Variants in CFI observed in about 807,000 individuals in gnomAD.
The protein encoded by CFI is C3B/C4B inactivator.
Under a neutral mutation model 78.8 loss-of-function variants are expected in CFI, and 66 were observed. The observed-to-expected ratio is 0.84, with a 90% CI of 0.69 to 1.03. The LOEUF (loss-of-function observed/expected upper bound fraction) is 1.03. Among genes scored for constraint, CFI ranks in the 50% least tolerant of loss-of-function variants. The probability of loss-of-function intolerance (pLI) is 0.00; values close to 1 mark genes in which losing one functional copy is unlikely to be tolerated. For missense variants in CFI, 706 were observed against 704.5 expected, an observed-to-expected ratio of 1.00 and a Z score of -0.02; for synonymous variants, 250 against 232.6, an observed-to-expected ratio of 1.07 and a Z score of -0.68.
chr4:109,778,446 C>T (rs1729565679), intron 1 of CFI, among the ~76,000 whole-genome samples: 1 of 152,108 alleles, frequency 6.6e-6, no homozygotes, highest in Admixed American at 6.6e-5. Context: ...GGTTGAATCC[C>T]TGAATAGACC....
chr4:109,752,624 A>T, intron 7 of CFI, 121 bp from the exon 8 acceptor site: 1 of 832,006 alleles, frequency 1.2e-6, no homozygotes, highest in Non-Finnish European at 2.0e-6. Context: ...CCCTTTTATA[A>T]AGAACTGTAC....
chr4:109,794,999 A>T (rs1452968564), intron 1 of CFI, among the ~76,000 whole-genome samples: 1 of 152,180 alleles, frequency 6.6e-6, no homozygotes, highest in East Asian at 1.9e-4. Flanking sequence ...GAGCTCCAGG[A>T]TCAAGGTGAG....
At chr4:109,796,565 G>T (rs575697950) in intron 1 of CFI, among the ~76,000 whole-genome samples, 1 of 152,306 alleles carries the variant, frequency 6.6e-6, no homozygotes, top group East Asian at 1.9e-4. Flanking sequence ...GCTTTGAGAG[G>T]CCATGGTGGG....
At position 109,766,790 on chromosome 4, in the gene CFI, T is replaced by C; in HGVS notation, c.92A>G (p.Lys31Arg). 6.2e-7 allele frequency: 1 copy of C among 1,614,196 alleles called. No homozygotes were observed. Reference sequence around the variant, plus strand: ...AGTATATTTTTTTGCTAAGCACTTTTTCTCCACCAGATCCTCTTGAGATGT... The same window carrying C: ...AGTATATTTTTTTGCTAAGCACTTTCTCTCCACCAGATCCTCTTGAGATGT... ...TYTSQEDLVE[K>R]KCLAKKYTHL... The change falls in exon 2 of 13, where the codon AAA (lysine) becomes AGA (arginine). Residue 31 changes from lysine (K) to arginine (R), a missense_variant. Coordinates refer to ENST00000394634, the MANE Select transcript of CFI (RefSeq NM_000204.5).
the CFI span, among the ~76,000 whole-genome samples, chr4:109,734,488 C>G: frequency 1.6e-3 from 246 of 152,112 alleles, no homozygotes; most frequent in African/African-American, 5.7e-3. Context: ...CAGTTGTAGT[C>G]AGAGGAAGAA....
chr4:109,768,790 C>T (rs959268819), intron 1 of CFI, among the ~76,000 whole-genome samples: 1 of 152,118 alleles, frequency 6.6e-6, no homozygotes, highest in Non-Finnish European at 1.5e-5. Context: ...CTTTAAATGC[C>T]GTTAAGAAGG....
chr4:109,764,357 AG>A (rs1320950579), intron 3 of CFI, 179 bp downstream of exon 3: 1 of 684,784 alleles, frequency 1.5e-6, no homozygotes, highest in Non-Finnish European at 2.6e-6. Flanking sequence ...TGTTGTCAGC[AG>A]GGTTCCAAGT....
chr4:109,782,997 T>G (rs1026153240), intron 1 of CFI, among the ~76,000 whole-genome samples: 2 of 152,012 alleles, frequency 1.3e-5, no homozygotes, highest in African/African-American at 4.8e-5. Context: ...GAAAGTGGAT[T>G]CTCATCTCTC....
chr4:109,765,465 T>C (rs1727619613), intron 2 of CFI, among the ~76,000 whole-genome samples: 1 of 152,224 alleles, frequency 6.6e-6, no homozygotes, highest in South Asian at 2.1e-4. Flanking sequence ...TTGTTTTATT[T>C]AATTTTCACA....
At chr4:109,782,254 A>G (rs752395203) in intron 1 of CFI, among the ~76,000 whole-genome samples, 11 of 152,056 alleles carry the variant, frequency 7.2e-5, no homozygotes, top group Non-Finnish European at 1.2e-4. Context: ...TGCTGACATA[A>G]TGATTGTTTA....
chr4:109,795,751 C>T (rs28855226), intron 1 of CFI, among the ~76,000 whole-genome samples: 15,570 of 152,000 alleles, frequency 0.1, 1,798 homozygotes, highest in African/African-American at 0.28. Flanking sequence ...ATACACCATA[C>T]TTAGTCAAAC....
chr4:109,761,564 A>C lies in CFI; in HGVS notation c.611T>G (p.Met204Arg), dbSNP rs1215192811. 1 of 1,614,136 alleles carries C rather than the reference A, an allele frequency of 6.2e-7. No individual in the cohort carries two copies. Among genetic ancestry groups the C allele is most frequent in the East Asian group, 2.2e-5 (1 of 44,872 alleles). Residue 204 changes from methionine to arginine, a missense_variant, in exon 4 of 13, where the codon ATG becomes AGG. By Grantham distance (91) the Met-to-Arg change is moderately conservative. Coordinates refer to ENST00000394634, the MANE Select transcript of CFI (RefSeq NM_000204.5). ...AECTFTKRRT[M>R]GYQDFADVVC... ...CACATCAGCGAAATCCTGGTAACCC[A>C]TAGTTCTTCTCTTAGTAAAAGTACA... is the stretch of plus-strand genomic sequence containing the variant.
At chr4:109,738,044 C>G (rs1214174141), downstream of CFI, among the ~76,000 whole-genome samples, 4 of 152,206 alleles carry the variant, frequency 2.6e-5, no homozygotes, top group African/African-American at 9.6e-5. Flanking sequence ...TTTGGGGGCC[C>G]CCTTCCTAGA....
intron 11 of CFI, 46 bp from the exon 12 acceptor site, chr4:109,742,641 A>T: frequency 9.1e-7 from 1 of 1,100,830 alleles, no homozygotes; most frequent in Non-Finnish European, 1.4e-6. Flanking sequence ...CAAATGAGAA[A>T]TCTAAATACA....
intron 4 of CFI, among the ~76,000 whole-genome samples, chr4:109,761,178 T>C (rs1051396471): frequency 6.6e-6 from 1 of 152,192 alleles, no homozygotes; most frequent in Non-Finnish European, 1.5e-5. Context: ...AATAAATTCA[T>C]ATATGCTGGC....
intron 6 of CFI, 178 bp downstream of exon 6, chr4:109,760,092 A>G (rs1345802575): frequency 2.9e-6 from 2 of 700,324 alleles, no homozygotes; most frequent in African/African-American, 3.5e-5. Flanking sequence ...TAACAAGTAG[A>G]TATTTAGCGG....
chr4:109,791,022 A>T (rs1307930895), intron 1 of CFI, among the ~76,000 whole-genome samples: 4 of 152,180 alleles, frequency 2.6e-5, no homozygotes, highest in Non-Finnish European at 4.4e-5. Context: ...TGGAATTGCC[A>T]CACTGTGTTC....
At position 109,740,775 on chromosome 4, in the gene CFI, T is replaced by TA. The variant is rs1561280346; in HGVS notation, c.*117dup. The TA allele has an allele frequency of 1.1e-6, 1 of 943,350 alleles. No individual in the cohort carries two copies. The highest frequency in any genetic ancestry group is 1.7e-6 in the Non-Finnish European group (1 of 597,034). The allele number at this position is 943,350 out of a possible 1,614,324, so 58.4% of individuals were successfully genotyped here. A position where few individuals can be genotyped will look rare whatever the true frequency, so the allele number is the denominator to read the frequency against. ...TAAACTCTGTGGAGACCTTTAAAAA[T>TA]ATCCAGTGAGATTTGCTTCATTTTT... is the stretch of plus-strand genomic sequence containing the variant. On this transcript the variant is annotated 3_prime_UTR_variant, in exon 13 of 13. Coordinates refer to ENST00000394634, the MANE Select transcript of CFI (RefSeq NM_000204.5).
intron 1 of CFI, among the ~76,000 whole-genome samples, chr4:109,781,750 A>G (rs563226246): frequency 2.6e-5 from 4 of 152,302 alleles, no homozygotes; most frequent in Admixed American, 2.0e-4. Context: ...CACAGAAGCT[A>G]AAATCCTTAA....
Sources: gnomAD v4.1 joint callset for allele counts (sites outside exome capture counted in the v4.1 genomes callset) on GRCh38, gnomAD v4.1.1 for gene constraint, MANE v1.5 for transcripts, NCBI Gene and HGNC (gene_info 2026-07-23, HGNC 2026-07-21) for gene names.